The following RAP1GAP2 variants were observed in gnomAD, a reference collection of about 807,000 sequenced individuals.
RAP1GAP2 encodes rap1 GTPase-activating protein 2.
A neutral mutation model predicts 95.0 loss-of-function variants in RAP1GAP2; 27 were observed. That is an observed-to-expected ratio of 0.28 (90% CI 0.21 to 0.39). RAP1GAP2 has a LOEUF of 0.39. RAP1GAP2 is among the 10% of genes least tolerant of loss of function. RAP1GAP2 has a pLI of 1.00. For synonymous variants in RAP1GAP2, 373 were observed against 380.9 expected (o/e 0.98, Z 0.24); for missense variants, 771 against 970.0 (o/e 0.79, Z 2.72).
At chr17:2,837,531 T>C (rs1254068258) in intron 2 of RAP1GAP2, among the ~76,000 whole-genome samples, 1 of 151,782 alleles carries the variant, frequency 6.6e-6, no homozygotes, top group Non-Finnish European at 1.5e-5. Flanking sequence ...TTCCTGGGGC[T>C]CCATTCCTCT....
At chr17:2,828,306 A>G (rs1266585545) in intron 2 of RAP1GAP2, among the ~76,000 whole-genome samples, 1 of 151,744 alleles carries the variant, frequency 6.6e-6, no homozygotes, top group Non-Finnish European at 1.5e-5. Context: ...GCGCCATTGC[A>G]CTCCAACCTG....
intron 3 of RAP1GAP2, among the ~76,000 whole-genome samples, chr17:2,916,271 G>A (rs989909250): frequency 3.9e-5 from 6 of 152,108 alleles, no homozygotes; most frequent in Non-Finnish European, 8.8e-5. Context: ...CGTGCCATCC[G>A]TGCCGTCAGT....
In RAP1GAP2 at chr17:2,927,291, C is replaced by A. The variant is rs993563432; in HGVS notation, c.165+21923C>A. On this transcript the variant is annotated intron_variant, in intron 3 of 24. Transcript: ENST00000254695. ...GCCTCAGCCTCCCGAGTAGCTGGGA[C>A]TACAGGCACCCGCCACCGCGCCCGG... Among the ~76,000 whole-genome samples the A allele has an allele frequency of 1.1e-4, 17 of 152,030 alleles. No homozygotes were observed. The East Asian group carries it at 3.2e-3, about 28-fold the overall frequency.
intron 2 of RAP1GAP2, among the ~76,000 whole-genome samples, chr17:2,886,308 T>G (rs1243245476): frequency 6.6e-6 from 1 of 151,434 alleles, no homozygotes; most frequent in African/African-American, 2.4e-5. Context: ...GAGTAGCTGG[T>G]ACTACAGGCA....
chr17:2,962,837 C>T, intron 5 of RAP1GAP2, 123 bp downstream of exon 5: 2 of 932,442 alleles, frequency 2.1e-6, no homozygotes, highest in Non-Finnish European at 3.1e-6. Context: ...CTCTGACTCG[C>T]ACCACGGGCC....
At chr17:2,959,495 A>G (rs576800214) in intron 4 of RAP1GAP2, among the ~76,000 whole-genome samples, 1 of 152,306 alleles carries the variant, frequency 6.6e-6, no homozygotes, top group Non-Finnish European at 1.5e-5. Context: ...ACTCTTAGTA[A>G]GAAGCTCACG....
At chr17:2,812,197 G>A (rs1362469267) in intron 2 of RAP1GAP2, among the ~76,000 whole-genome samples, 1 of 152,160 alleles carries the variant, frequency 6.6e-6, no homozygotes, top group Admixed American at 6.5e-5. Context: ...TCATCCCCAA[G>A]AACAGTGCTC....
intron 1 of RAP1GAP2, among the ~76,000 whole-genome samples, chr17:2,769,889 A>G (rs1420590405): frequency 6.6e-6 from 1 of 152,058 alleles, no homozygotes; most frequent in Non-Finnish European, 1.5e-5. Flanking sequence ...CCTGGCCAAC[A>G]TGGTAAAACC....
chr17:2,962,553 G>C (rs368927030), intron 4 of RAP1GAP2, 117 bp from the exon 5 acceptor site: 16 of 1,141,844 alleles, frequency 1.4e-5, no homozygotes, highest in East Asian at 1.0e-4. Flanking sequence ...GGCCCAGCAC[G>C]GGCCAGCTTT....
chr17:2,966,236 G>A (rs1403853176), intron 8 of RAP1GAP2, among the ~76,000 whole-genome samples: 1 of 152,228 alleles, frequency 6.6e-6, no homozygotes, highest in African/African-American at 2.4e-5. Flanking sequence ...CTCTGTACCA[G>A]GAACTGCGAT....
rs560093491 is a variant in RAP1GAP2, at chr17:2,808,564, G to A, written c.80+8014G>A. ...GCGGCCTGGGAAGCAGCTGCACGGC[G>A]TCCCCTCGCTGGCCCGGCTCGGCTC... is the stretch of plus-strand genomic sequence containing the variant. On this transcript the variant is annotated intron_variant, in intron 2 of 24. Transcript: ENST00000254695. 7.9e-5 allele frequency among the ~76,000 whole-genome samples: 12 copies of A among 152,264 alleles called. No homozygotes were observed. The South Asian group carries it at 1.0e-3, about 13-fold the overall frequency.
At chr17:2,918,800 C>G (rs1236188139) in intron 3 of RAP1GAP2, among the ~76,000 whole-genome samples, 1 of 152,090 alleles carries the variant, frequency 6.6e-6, no homozygotes, top group Admixed American at 6.6e-5. Flanking sequence ...AGTGGGGACA[C>G]AAATCCAAAC....
intron 3 of RAP1GAP2, among the ~76,000 whole-genome samples, 176 bp downstream of exon 3, chr17:2,905,544 G>A (rs924747101): frequency 1.3e-5 from 2 of 152,234 alleles, no homozygotes. Flanking sequence ...AGCATGACAA[G>A]AGACTCAGGG....
At chr17:3,026,611 G>A in intron 21 of RAP1GAP2, 147 bp downstream of exon 21, 1 of 773,930 alleles carries the variant, frequency 1.3e-6, no homozygotes, top group Non-Finnish European at 2.0e-6. Flanking sequence ...GGGCTCGTTG[G>A]CCATCACCAC....
intron 1 of RAP1GAP2, among the ~76,000 whole-genome samples, chr17:2,768,660 C>G (rs574192668): frequency 1.5e-5 from 2 of 137,336 alleles, no homozygotes; most frequent in South Asian, 4.5e-4. Context: ...CCATTGCACT[C>G]TAGGCTGGGC....
chr17:2,840,443 G>A (rs956494438), intron 2 of RAP1GAP2, among the ~76,000 whole-genome samples: 2 of 152,084 alleles, frequency 1.3e-5, no homozygotes, highest in Non-Finnish European at 2.9e-5. Context: ...GATTACAGGC[G>A]TGAGCCACAG....
rs560321746 is a variant in RAP1GAP2, at chr17:3,037,587, A to G, written c.*4226A>G. Reference sequence around the variant, plus strand: ...GGTGATTCGTAGATCCCAACTGCCTATGTAATGTAAATAATGTACATTTAA... The same window carrying G: ...GGTGATTCGTAGATCCCAACTGCCTGTGTAATGTAAATAATGTACATTTAA... On this transcript the variant is annotated 3_prime_UTR_variant, in exon 25 of 25. Coordinates refer to ENST00000254695, the MANE Select transcript of RAP1GAP2 (RefSeq NM_015085.5). 1 of 152,484 alleles carries G rather than the reference A, an allele frequency of 6.6e-6. No individual in the cohort carries two copies. The highest frequency in any genetic ancestry group is 1.5e-5 in the Non-Finnish European group (1 of 68,010). The allele number at this position is 152,484 out of a possible 1,614,324, so 9.4% of individuals were successfully genotyped here.
intron 3 of RAP1GAP2, among the ~76,000 whole-genome samples, chr17:2,918,996 TA>T (rs112904145): frequency 6.6e-6 from 1 of 152,280 alleles, no homozygotes; most frequent in South Asian, 2.1e-4. Flanking sequence ...AGAGACCATC[TA>T]GGGGGAAGTA....
chr17:2,884,584 G>T (rs1272730472), intron 2 of RAP1GAP2, among the ~76,000 whole-genome samples: 1 of 152,018 alleles, frequency 6.6e-6, no homozygotes, highest in African/African-American at 2.4e-5. Flanking sequence ...ATGTTGCCCA[G>T]GCTGGTCTCA....
Sources: gnomAD v4.1 joint callset for allele counts (sites outside exome capture counted in the v4.1 genomes callset) on GRCh38, gnomAD v4.1.1 for gene constraint, MANE v1.5 for transcripts, NCBI Gene and HGNC (gene_info 2026-07-23, HGNC 2026-07-21) for gene names.